KHDRBS2: variants seen among roughly 807,000 people sequenced by gnomAD.
The protein encoded by KHDRBS2 is KH domain-containing, RNA-binding, signal transduction-associated protein 2.
In KHDRBS2, 26 loss-of-function variants were observed where a neutral mutation model predicts 44.3. The ratio of observed to expected loss-of-function variants is 0.59; its 90% CI spans 0.43 to 0.81. The LOEUF (loss-of-function observed/expected upper bound fraction) is 0.81, where lower values mean the gene tolerates loss of function less well. Among genes scored for constraint, KHDRBS2 ranks in the 40% least tolerant of loss-of-function variants. The probability of loss-of-function intolerance (pLI) is 0.00; values close to 1 mark genes in which losing one functional copy is unlikely to be tolerated. For missense variants in KHDRBS2, 476 were observed against 433.1 expected (o/e 1.10, Z -0.88); for synonymous variants, 194 against 151.1 (o/e 1.28, Z -2.08).
chr6:61,623,296 G>A, the KHDRBS2 span, among the ~76,000 whole-genome samples: 1 of 152,160 alleles, frequency 6.6e-6, no homozygotes, highest in Non-Finnish European at 1.5e-5. Context: ...GACTGTAAAG[G>A]TTCCTCCAGT....
intron 2 of KHDRBS2, among the ~76,000 whole-genome samples, chr6:62,081,150 A>G (rs934849657): frequency 6.6e-6 from 1 of 152,178 alleles, no homozygotes; most frequent in African/African-American, 2.4e-5. Context: ...ATGTTGATGC[A>G]TTTTTAACAA....
At chr6:61,887,891 G>A in intron 6 of KHDRBS2, among the ~76,000 whole-genome samples, 1 of 152,024 alleles carries the variant, frequency 6.6e-6, no homozygotes, top group East Asian at 1.9e-4. Context: ...AATCTGGGTT[G>A]GGCACTAAGG....
intron 3 of KHDRBS2, among the ~76,000 whole-genome samples, chr6:62,001,053 T>C (rs1778145270): frequency 6.6e-6 from 1 of 152,172 alleles, no homozygotes; most frequent in Non-Finnish European, 1.5e-5. Context: ...GTGTGGTGTT[T>C]GAGAAGCAGC....
At chr6:61,632,953 A>G in the KHDRBS2 span, among the ~76,000 whole-genome samples, 1 of 152,120 alleles carries the variant, frequency 6.6e-6, no homozygotes, top group Non-Finnish European at 1.5e-5. Context: ...TTTGAGGTTA[A>G]AAAAAGAACT....
chr6:61,892,544 C>A (rs1039550230), intron 6 of KHDRBS2, among the ~76,000 whole-genome samples: 47 of 152,040 alleles, frequency 3.1e-4, no homozygotes, highest in Non-Finnish European at 6.3e-4. Flanking sequence ...GTACTGGTAC[C>A]AAAACAGAGA....
At chr6:62,145,097 A>T (rs1686202989) in intron 2 of KHDRBS2, among the ~76,000 whole-genome samples, 1 of 152,008 alleles carries the variant, frequency 6.6e-6, no homozygotes, top group Non-Finnish European at 1.5e-5. Flanking sequence ...GCCATGAGCC[A>T]AATAAAACTC....
chr6:62,085,606 A>G (rs1164199202), intron 2 of KHDRBS2, among the ~76,000 whole-genome samples: 1 of 152,158 alleles, frequency 6.6e-6, no homozygotes, highest in African/African-American at 2.4e-5. Flanking sequence ...CACAAACAAA[A>G]TGCTGCTGAG....
chr6:61,916,616 A>G (rs888288620), intron 4 of KHDRBS2, among the ~76,000 whole-genome samples: 2 of 151,998 alleles, frequency 1.3e-5, no homozygotes, highest in Non-Finnish European at 2.9e-5. Flanking sequence ...TTGGAAAAAT[A>G]TATCTGCAAA....
intron 6 of KHDRBS2, among the ~76,000 whole-genome samples, chr6:61,845,960 C>G (rs948709784): frequency 6.6e-6 from 1 of 152,152 alleles, no homozygotes; most frequent in Non-Finnish European, 1.5e-5. Context: ...GCTCCATTCT[C>G]TAGGTGCTGT....
chr6:61,668,784 G>C, the KHDRBS2 span, among the ~76,000 whole-genome samples: 2 of 150,374 alleles, frequency 1.3e-5, no homozygotes, highest in African/African-American at 4.9e-5. Flanking sequence ...CCTTCACTTT[G>C]GTATCCTATT....
At chr6:62,206,257 T>C (rs1051384434) in intron 1 of KHDRBS2, among the ~76,000 whole-genome samples, 7 of 152,116 alleles carry the variant, frequency 4.6e-5, no homozygotes, top group African/African-American at 1.7e-4. Context: ...TGAGGTTTCA[T>C]TTTTCAACCT....
intron 6 of KHDRBS2, among the ~76,000 whole-genome samples, chr6:61,806,348 T>A (rs1454232759): frequency 6.6e-6 from 1 of 152,046 alleles, no homozygotes; most frequent in African/African-American, 2.4e-5. Flanking sequence ...AAGCAGCCCA[T>A]AGGAAAGGGC....
chr6:61,957,535 C>T (rs1232130230), intron 4 of KHDRBS2, among the ~76,000 whole-genome samples: 1 of 152,132 alleles, frequency 6.6e-6, no homozygotes, highest in Non-Finnish European at 1.5e-5. Context: ...ACGGTCATAG[C>T]TGTGGGACGA....
At chr6:61,747,386 G>C (rs78095056) in intron 6 of KHDRBS2, among the ~76,000 whole-genome samples, 3,529 of 152,234 alleles carry the variant, frequency 0.023, 73 homozygotes, top group East Asian at 0.051. Flanking sequence ...ACAAGAGCAC[G>C]ATGACATGAT....
intron 2 of KHDRBS2, among the ~76,000 whole-genome samples, chr6:62,089,237 T>C (rs573866849): frequency 1.4e-5 from 2 of 147,032 alleles, no homozygotes; most frequent in African/African-American, 2.5e-5. Flanking sequence ...AACAGTTCTG[T>C]CTGGCTGGCA....
chr6:61,564,067 C>A, the KHDRBS2 span, among the ~76,000 whole-genome samples: 1 of 152,014 alleles, frequency 6.6e-6, no homozygotes, highest in Non-Finnish European at 1.5e-5. Context: ...GCCACAAGAT[C>A]GTCAGTTTGG....
chr6:62,217,501 C>T lies in KHDRBS2; in HGVS notation c.92-40189G>A, dbSNP rs369006799. Reference sequence around the variant, plus strand: ...TAATTGAAGAGTTGCTTTTCAAACACATAGTTGGTAATACAATATGGTAAA... The same window carrying T: ...TAATTGAAGAGTTGCTTTTCAAACATATAGTTGGTAATACAATATGGTAAA... On this transcript the variant is annotated intron_variant, in intron 1 of 8. Coordinates refer to ENST00000281156, the MANE Select transcript of KHDRBS2 (RefSeq NM_152688.4). Among the ~76,000 whole-genome samples the T allele has an allele frequency of 1.7e-4, 26 of 151,906 alleles. No homozygotes were observed. The South Asian group carries it at 5.2e-3, about 30-fold the overall frequency.
At chr6:61,897,120 T>G (rs1803063502) in intron 5 of KHDRBS2, among the ~76,000 whole-genome samples, 1 of 152,184 alleles carries the variant, frequency 6.6e-6, no homozygotes, top group African/African-American at 2.4e-5. Context: ...TCTTGGCTTG[T>G]GTTCCTTATA....
intron 7 of KHDRBS2, among the ~76,000 whole-genome samples, chr6:61,707,633 T>C (rs1393768065): frequency 2.0e-5 from 3 of 151,726 alleles, no homozygotes; most frequent in Non-Finnish European, 2.9e-5. Flanking sequence ...GATAACTAAA[T>C]TAAATAAATG....
Sources: gnomAD v4.1 joint callset for allele counts (sites outside exome capture counted in the v4.1 genomes callset) on GRCh38, gnomAD v4.1.1 for gene constraint, MANE v1.5 for transcripts, NCBI Gene and HGNC (gene_info 2026-07-23, HGNC 2026-07-21) for gene names.